Variants in MNAT1 observed in about 807,000 individuals in gnomAD.
MNAT1 encodes CDK-activating kinase assembly factor MAT1.
In MNAT1, 43 loss-of-function variants were observed where a neutral mutation model predicts 42.0. The ratio of observed to expected loss-of-function variants is 1.02; its 90% CI spans 0.80 to 1.32. MNAT1 has a LOEUF of 1.32. Ranked by LOEUF, MNAT1 falls within the 40% of genes most tolerant of loss-of-function variation. The pLI is 0.00. For synonymous variants in MNAT1, 118 were observed against 120.0 expected (o/e 0.98, Z 0.11); for missense variants, 306 against 350.4 (o/e 0.87, Z 1.01).
chr14:60,860,120 T>C (rs2034059989), intron 6 of MNAT1, among the ~76,000 whole-genome samples: 2 of 152,184 alleles, frequency 1.3e-5, no homozygotes, highest in Non-Finnish European at 2.9e-5. Flanking sequence ...TGCAGGAAGA[T>C]GCCTTGAGTT....
chr14:60,803,300 ATAGT>A (rs1344651403), intron 3 of MNAT1, among the ~76,000 whole-genome samples: 21 of 152,326 alleles, frequency 1.4e-4, no homozygotes, highest in East Asian at 1.3e-3. Flanking sequence ...ATTTTTAAAG[ATAGT>A]TAGATGTCTG....
At chr14:60,934,588 C>A (rs1351132615) in intron 7 of MNAT1, among the ~76,000 whole-genome samples, 2 of 152,198 alleles carry the variant, frequency 1.3e-5, no homozygotes, top group Admixed American at 6.5e-5. Flanking sequence ...CTTCTCTTGT[C>A]TGCCGCCATG....
chr14:60,822,414 T>A (rs80329329), intron 6 of MNAT1, among the ~76,000 whole-genome samples: 2,074 of 152,250 alleles, frequency 0.014, 46 homozygotes, highest in African/African-American at 0.047. Context: ...GCATACTTTT[T>A]AAATTATTTA....
intron 1 of MNAT1, among the ~76,000 whole-genome samples, chr14:60,747,969 G>A (rs971378234): frequency 1.3e-5 from 2 of 152,060 alleles, no homozygotes; most frequent in Admixed American, 6.5e-5. Context: ...GGCCGAGGTC[G>A]GCGGATCATG....
At chr14:60,946,449 C>T (rs1437618743) in intron 7 of MNAT1, among the ~76,000 whole-genome samples, 1 of 152,002 alleles carries the variant, frequency 6.6e-6, no homozygotes, top group Admixed American at 6.6e-5. Context: ...CTTATTTTAC[C>T]CTTCTATCGA....
chr14:60,939,027 T>C (rs1320943160), intron 7 of MNAT1, among the ~76,000 whole-genome samples: 2 of 152,240 alleles, frequency 1.3e-5, no homozygotes, highest in East Asian at 3.8e-4. Flanking sequence ...CATAGAGGTG[T>C]TTATAGTATT....
intron 7 of MNAT1, among the ~76,000 whole-genome samples, chr14:60,908,825 T>C (rs1277140390): frequency 6.6e-6 from 1 of 152,226 alleles, no homozygotes; most frequent in African/African-American, 2.4e-5. Context: ...TATAATTCTT[T>C]GGGTATATAC....
At chr14:60,747,744 A>G (rs914347752) in intron 1 of MNAT1, among the ~76,000 whole-genome samples, 3 of 151,574 alleles carry the variant, frequency 2.0e-5, no homozygotes, top group African/African-American at 7.3e-5. Context: ...TCAATAATAA[A>G]CCCCAGCTTA....
At chr14:60,911,531 T>A (rs564816068) in intron 7 of MNAT1, among the ~76,000 whole-genome samples, 71 of 152,320 alleles carry the variant, frequency 4.7e-4, no homozygotes, top group Admixed American at 6.5e-4. Flanking sequence ...GTGTCTTTGT[T>A]CTCGTTGGTT....
At chr14:60,751,676 A>C (rs947441492) in intron 1 of MNAT1, among the ~76,000 whole-genome samples, 13 of 152,030 alleles carry the variant, frequency 8.6e-5, no homozygotes, top group African/African-American at 2.9e-4. Flanking sequence ...TATTCTCTAC[A>C]AAAAGATAAG....
At chr14:60,769,865 A>G (rs565316179) in intron 1 of MNAT1, among the ~76,000 whole-genome samples, 43 of 152,048 alleles carry the variant, frequency 2.8e-4, no homozygotes, top group African/African-American at 8.7e-4. Context: ...GAGTCTTGAT[A>G]TGTTGCCCAG....
chr14:60,820,821 C>T (rs1019969347), intron 6 of MNAT1, among the ~76,000 whole-genome samples: 1 of 152,088 alleles, frequency 6.6e-6, no homozygotes, highest in South Asian at 2.1e-4. Flanking sequence ...CAGCTCATCA[C>T]CTCCTTGCTT....
intron 1 of MNAT1, among the ~76,000 whole-genome samples, chr14:60,784,857 CT>C (rs914518213): frequency 5.8e-4 from 84 of 145,322 alleles, no homozygotes; most frequent in Admixed American, 6.2e-4. Flanking sequence ...ATAGCTAACA[CT>C]TTTTTTTTTT....
rs4151157 is a variant in MNAT1, at chr14:60,735,612, A to G, written c.89+661A>G. On this transcript the variant is annotated intron_variant, in intron 1 of 7. Transcript: ENST00000261245. ...CCATGAAGTAGATACTGGTATTTCC[A>G]TTTCACAGGGAAGGAAATCGAGACT... 3.6e-3 allele frequency among the ~76,000 whole-genome samples: 545 copies of G among 152,338 alleles called. 1 individual carries two copies. Among genetic ancestry groups the G allele is most frequent in the African/African-American group, 0.013 (529 of 41,570 alleles).
At chr14:60,961,474 C>T (rs1359316159) in intron 7 of MNAT1, among the ~76,000 whole-genome samples, 4 of 152,248 alleles carry the variant, frequency 2.6e-5, no homozygotes, top group Non-Finnish European at 4.4e-5. Context: ...TCTGGATCAC[C>T]GTTATACTCC....
intron 1 of MNAT1, among the ~76,000 whole-genome samples, chr14:60,761,330 A>T (rs2030590915): frequency 6.6e-6 from 1 of 152,210 alleles, no homozygotes; most frequent in South Asian, 2.1e-4. Flanking sequence ...AAATCACAAT[A>T]CCACAATACA....
chr14:60,856,767 G>A (rs773608424), intron 6 of MNAT1, among the ~76,000 whole-genome samples: 19 of 149,618 alleles, frequency 1.3e-4, no homozygotes, highest in Non-Finnish European at 2.5e-4. Flanking sequence ...GGCAACCTCC[G>A]CCTCCTGGTT....
intron 7 of MNAT1, chr14:60,919,663 A>G (rs1187836270): frequency 1.3e-5 from 2 of 153,678 alleles, no homozygotes; most frequent in Non-Finnish European, 2.9e-5. Flanking sequence ...CACTGAAGGC[A>G]TCCTAATTCT....
chr14:60,756,865 T>C (rs2030378228), intron 1 of MNAT1, among the ~76,000 whole-genome samples: 1 of 152,228 alleles, frequency 6.6e-6, no homozygotes, highest in African/African-American at 2.4e-5. Flanking sequence ...TCAATCATGC[T>C]GTCTTGTATT....
Sources: allele counts gnomAD v4.1 joint callset (sites outside exome capture counted in the v4.1 genomes callset), GRCh38; gene constraint gnomAD v4.1.1; transcripts MANE v1.5; gene names NCBI Gene and HGNC (gene_info 2026-07-23, HGNC 2026-07-21).